KIF5C: variants seen among roughly 807,000 people sequenced by gnomAD.
KIF5C encodes the protein kinesin family member 5C, also known as kinesin heavy chain isoform 5C.
In KIF5C, 18 loss-of-function variants were observed where a neutral mutation model predicts 125.2. The observed-to-expected ratio is 0.14, with a 90% CI of 0.10 to 0.21. The LOEUF is 0.21. Ranked by LOEUF, KIF5C falls within the 10% of genes least tolerant of loss-of-function variation. The pLI is 1.00. For synonymous variants in KIF5C, 405 were observed against 434.0 expected (o/e 0.93, Z 0.83); for missense variants, 780 against 1,183.8 (o/e 0.66, Z 5.01).
At chr2:148,993,592 C>T (rs147282250) in intron 16 of KIF5C, among the ~76,000 whole-genome samples, 35 of 152,290 alleles carry the variant, frequency 2.3e-4, no homozygotes, top group African/African-American at 5.8e-4. Flanking sequence ...ACTGTTCCAA[C>T]GGAGGAGTTG....
At chr2:148,959,119 G>T (rs897970689) in intron 10 of KIF5C, among the ~76,000 whole-genome samples, 5 of 152,144 alleles carry the variant, frequency 3.3e-5, no homozygotes, top group African/African-American at 4.8e-5. Flanking sequence ...GGTATTGGGG[G>T]TGAGGAATAA....
intron 25 of KIF5C, among the ~76,000 whole-genome samples, chr2:149,013,916 T>C (rs1026664217): frequency 1.3e-5 from 2 of 152,148 alleles, no homozygotes; most frequent in African/African-American, 2.4e-5. Context: ...CCCTCACCCA[T>C]TGTGGCATTT....
intron 1 of KIF5C, among the ~76,000 whole-genome samples, chr2:148,917,589 TTAAGG>T (rs1444769211): frequency 1.3e-5 from 2 of 152,216 alleles, no homozygotes; most frequent in Non-Finnish European, 2.9e-5. Context: ...GGTGACAGTG[TTAAGG>T]TGACAGCACA....
In KIF5C at chr2:148,973,321, G is replaced by A. The variant is rs936920333; in HGVS notation, c.1118-15G>A. ...ATTTCTTTAATCCCCAACTCTGCTC[G>A]GCTATGTTTTGCAGGAGAAGCTGTG... On this transcript the variant is annotated splice_polypyrimidine_tract_variant and intron_variant, in intron 11 of 25. Transcript: ENST00000435030. The A allele has an allele frequency of 6.2e-7, 1 of 1,604,938 alleles. No individual in the cohort carries two copies. Among genetic ancestry groups the A allele is most frequent in the Non-Finnish European group, 8.5e-7 (1 of 1,176,864 alleles).
At chr2:148,970,412 C>T (rs974157182) in intron 11 of KIF5C, among the ~76,000 whole-genome samples, 1 of 152,196 alleles carries the variant, frequency 6.6e-6, no homozygotes, top group Non-Finnish European at 1.5e-5. Context: ...ATACTATCTT[C>T]ATTTATCTTT....
chr2:148,978,246 AAG>A (rs1681130669), intron 12 of KIF5C, among the ~76,000 whole-genome samples: 1 of 151,980 alleles, frequency 6.6e-6, no homozygotes, highest in East Asian at 1.9e-4. Context: ...GTGGCAGAAA[AAG>A]AGTGAGAAGA....
chr2:148,922,191 C>G lies in KIF5C; in HGVS notation c.181C>G (p.Gln61Glu). The G allele has an allele frequency of 6.2e-7, 1 of 1,613,384 alleles. No homozygotes were observed. The highest frequency in any genetic ancestry group is 2.2e-5 in the East Asian group (1 of 44,866). Reference sequence around the variant, plus strand: ...GCTACCTCCCAACACGACCCAAGAGCAGGTTTACAATGCATGTGCGAAGCA... The same window carrying G: ...GCTACCTCCCAACACGACCCAAGAGGAGGTTTACAATGCATGTGCGAAGCA... ...RVLPPNTTQEQVYNACAKQIV... is the reference protein window; with the variant it reads ...RVLPPNTTQEEVYNACAKQIV... Residue 61 changes from glutamine to glutamate, a missense_variant, in exon 2 of 26, where the codon CAG becomes GAG. By Grantham distance (29) the Gln-to-Glu change is conservative (BLOSUM62 2). This residue lies in a region of KIF5C where 207 missense variants were observed against 441.2 expected (regional missense o/e 0.47). Coordinates refer to ENST00000435030, the MANE Select transcript of KIF5C (RefSeq NM_004522.3).
rs547334138 is a variant in KIF5C, at chr2:149,015,641, A to G, written c.*7+3958A>G. On this transcript the variant is annotated intron_variant, in intron 25 of 25. Transcript: ENST00000435030. ...TATACAAAAATCAAAAGAACCCAGG[A>G]TAATGCTGGCTTTGATCTTATCTGG... Among the ~76,000 whole-genome samples, 6 of 152,242 alleles carry G rather than the reference A, an allele frequency of 3.9e-5. No homozygotes were observed. In the South Asian group the frequency reaches 1.0e-3, roughly 26 times the overall value.
chr2:148,925,199 T>A (rs1574753207), intron 2 of KIF5C, among the ~76,000 whole-genome samples: 1 of 152,114 alleles, frequency 6.6e-6, no homozygotes, highest in South Asian at 2.1e-4. Context: ...AGTAAAAGCA[T>A]AAACACACAA....
intron 21 of KIF5C, 138 bp from the exon 22 acceptor site, chr2:149,005,254 TG>T (rs2105192922): frequency 3.7e-6 from 5 of 1,356,832 alleles, no homozygotes; most frequent in Non-Finnish European, 4.0e-6. Context: ...ATGGTCAGGG[TG>T]GGGGTGTCAC....
Position 149,010,246 on chromosome 2 carries a change from G to C in KIF5C, c.2662G>C (p.Glu888Gln). 1.9e-6 allele frequency: 3 copies of C among 1,586,332 alleles called. No homozygotes were observed. Among genetic ancestry groups the C allele is most frequent in the Non-Finnish European group, 2.6e-6 (3 of 1,166,900 alleles). The change falls in exon 24 of 26, where the codon GAG becomes CAG. Residue 888 changes from glutamate to glutamine, a missense_variant. Glu to Gln is a conservative substitution (Grantham distance 29). This residue lies in a region of KIF5C where 573 missense variants were observed against 742.6 expected (regional missense o/e 0.77). Coordinates refer to ENST00000435030, the MANE Select transcript of KIF5C (RefSeq NM_004522.3). ...GGAGAGCGCGCTGAAGGAGGCCAAG[G>C]AGAACGCCATGCGGGACCGTAAGCG... ...ALESALKEAK[E>Q]NAMRDRKRYQ...
At chr2:148,896,460 T>C (rs1681847075) in intron 1 of KIF5C, among the ~76,000 whole-genome samples, 1 of 152,172 alleles carries the variant, frequency 6.6e-6, no homozygotes, top group African/African-American at 2.4e-5. Context: ...TGAAAAGAAT[T>C]CTACAGCAAT....
chr2:148,937,215 G>C, intron 3 of KIF5C, 69 bp from the exon 4 acceptor site: 2 of 1,532,714 alleles, frequency 1.3e-6, no homozygotes, highest in Non-Finnish European at 1.8e-6. Flanking sequence ...ACCCAGAGAT[G>C]GTTCTCCCTC....
chr2:148,964,341 G>A (rs1449605810), intron 11 of KIF5C, among the ~76,000 whole-genome samples: 3 of 152,102 alleles, frequency 2.0e-5, no homozygotes, highest in East Asian at 1.9e-4. Context: ...TCCTACATGA[G>A]CCTTTAAGTT....
chr2:148,953,758 T>TTCGAAGCAGTTCAATCTGCAGA, intron 10 of KIF5C, among the ~76,000 whole-genome samples: 1 of 152,304 alleles, frequency 6.6e-6, no homozygotes, highest in East Asian at 1.9e-4. Context: ...TAGTATGTGT[T>TTCGAAGCAGTTCAATCTGCAGA]TCGAAGCAGT....
intron 1 of KIF5C, among the ~76,000 whole-genome samples, chr2:148,915,772 G>A (rs1681521184): frequency 6.6e-6 from 1 of 152,228 alleles, no homozygotes; most frequent in Admixed American, 6.5e-5. Context: ...CACTGATGAA[G>A]AGTGAAGTGA....
At position 148,933,457 on chromosome 2, in the gene KIF5C, A is replaced by C. The variant is rs979211370; in HGVS notation, c.292-3827A>C. Among the ~76,000 whole-genome samples the C allele has an allele frequency of 5.3e-5, 8 of 151,324 alleles. No individual in the cohort carries two copies. The East Asian group carries it at 1.2e-3, about 22-fold the overall frequency. On this transcript the variant is annotated intron_variant, in intron 3 of 25. Transcript: ENST00000435030. ...GCACACACCACATTCCACCCCCCCC[A>C]CATACATCGTAAACACACACACAGA...
chr2:148,940,803 G>T (rs763165030), intron 4 of KIF5C, among the ~76,000 whole-genome samples: 6 of 152,134 alleles, frequency 3.9e-5, no homozygotes, highest in Non-Finnish European at 8.8e-5. Context: ...TACAATTGAG[G>T]CCTAGGGTCT....
At chr2:148,998,293 A>G in intron 18 of KIF5C, 107 bp from the exon 19 acceptor site, 1 of 1,492,270 alleles carries the variant, frequency 6.7e-7, no homozygotes, top group Non-Finnish European at 9.0e-7. Context: ...TTGGGATCTG[A>G]CATCTGAGGG....
Sources: allele counts gnomAD v4.1 joint callset (sites outside exome capture counted in the v4.1 genomes callset), GRCh38; gene constraint gnomAD v4.1.1; regional missense constraint gnomAD v4.1.1; transcripts MANE v1.5; gene names NCBI Gene and HGNC (gene_info 2026-07-23, HGNC 2026-07-21).